WNT3: variants seen among roughly 807,000 people sequenced by gnomAD.
The protein encoded by WNT3 is proto-oncogene Wnt-3.
In WNT3, 7 loss-of-function variants were observed where a neutral mutation model predicts 34.2. That is an observed-to-expected ratio of 0.20 (90% CI 0.12 to 0.38). The LOEUF (loss-of-function observed/expected upper bound fraction) is 0.38. WNT3 is among the 10% of genes least tolerant of loss of function. The pLI is 1.00. For synonymous variants in WNT3, 212 were observed against 211.5 expected, an observed-to-expected ratio of 1.00 and a Z score of -0.02; for missense variants, 267 against 499.8, an observed-to-expected ratio of 0.53 and a Z score of 4.44.
At chr17:46,771,979 C>T (rs912322399) in intron 2 of WNT3, among the ~76,000 whole-genome samples, 1 of 150,438 alleles carries the variant, frequency 6.6e-6, no homozygotes, top group Non-Finnish European at 1.5e-5. Flanking sequence ...CCCGCCGCCC[C>T]CAGACTCGCG....
intron 1 of WNT3, among the ~76,000 whole-genome samples, chr17:46,811,439 C>A (rs2084274414): frequency 6.6e-6 from 1 of 152,178 alleles, no homozygotes; most frequent in South Asian, 2.1e-4. Flanking sequence ...TGCCTGCTGG[C>A]AGAACCGTTG....
intron 1 of WNT3, among the ~76,000 whole-genome samples, chr17:46,817,911 A>G (rs2084373672): frequency 6.6e-6 from 1 of 152,112 alleles, no homozygotes; most frequent in African/African-American, 2.4e-5. Context: ...CGGATCAGCA[A>G]ATACCATATT....
intron 1 of WNT3, among the ~76,000 whole-genome samples, chr17:46,804,651 G>A (rs2084169398): frequency 2.0e-5 from 3 of 152,250 alleles, no homozygotes; most frequent in South Asian, 4.1e-4. Context: ...GTGAGTAGAG[G>A]ATGGGTCACC....
rs147084620 is a variant in WNT3 at position 46,805,196 on chromosome 17, A to G, written c.80+13322T>C. On this transcript the variant is annotated intron_variant, in intron 1 of 4. Transcript: ENST00000225512. Reference sequence around the variant, plus strand: ...ACTGGAACCCTACCCCTGGAATCCCAGCACTTTGAGAGGCTGAGGCAGGAG... The same window carrying G: ...ACTGGAACCCTACCCCTGGAATCCCGGCACTTTGAGAGGCTGAGGCAGGAG... 7.6e-3 allele frequency among the ~76,000 whole-genome samples: 1,154 copies of G among 152,150 alleles called. 15 individuals are homozygous for G. The highest frequency in any genetic ancestry group is 0.026 in the African/African-American group (1,094 of 41,482).
At chr17:46,788,608 A>T (rs548567013) in intron 1 of WNT3, among the ~76,000 whole-genome samples, 1 of 152,224 alleles carries the variant, frequency 6.6e-6, no homozygotes, top group Non-Finnish European at 1.5e-5. Flanking sequence ...TACATCCGTC[A>T]CAGGTAACCT....
At chr17:46,767,120 C>T (rs1346302115) in intron 4 of WNT3, among the ~76,000 whole-genome samples, 1 of 152,146 alleles carries the variant, frequency 6.6e-6, no homozygotes, top group South Asian at 2.1e-4. Context: ...AAACCTTCCA[C>T]CCCGGGGGTC....
intron 1 of WNT3, among the ~76,000 whole-genome samples, chr17:46,811,279 AGTGTT>A: frequency 6.6e-6 from 1 of 151,986 alleles, no homozygotes; most frequent in African/African-American, 2.4e-5. Context: ...TGCATGGGTC[AGTGTT>A]AATATGGGAA....
chr17:46,805,234 C>T (rs1420357951), intron 1 of WNT3, among the ~76,000 whole-genome samples: 1 of 151,786 alleles, frequency 6.6e-6, no homozygotes, highest in Non-Finnish European at 1.5e-5. Context: ...TTGTTTGAGT[C>T]CAGTTCAAGC....
At chr17:46,766,203 G>A (rs1398873150) in intron 4 of WNT3, among the ~76,000 whole-genome samples, 1 of 152,188 alleles carries the variant, frequency 6.6e-6, no homozygotes, top group Non-Finnish European at 1.5e-5. Context: ...GAGGTCAGGA[G>A]TTCAAGACCA....
intron 1 of WNT3, among the ~76,000 whole-genome samples, chr17:46,793,194 A>G (rs1490945698): frequency 7.1e-6 from 1 of 141,344 alleles, no homozygotes; most frequent in African/African-American, 2.6e-5. Flanking sequence ...GGATTGCTTG[A>G]GCCCAGGAGG....
At chr17:46,765,281 T>A (rs2059302675) in intron 4 of WNT3, among the ~76,000 whole-genome samples, 1 of 152,140 alleles carries the variant, frequency 6.6e-6, no homozygotes, top group African/African-American at 2.4e-5. Flanking sequence ...CAGTAACAGA[T>A]CCAGGACTTG....
At chr17:46,818,395 G>C in intron 1 of WNT3, 123 bp downstream of exon 1, 2 of 953,550 alleles carry the variant, frequency 2.1e-6, no homozygotes. Flanking sequence ...GGCGGGTGGG[G>C]GGCTGGAGGG....
intron 4 of WNT3, among the ~76,000 whole-genome samples, chr17:46,767,124 G>C (rs1199375470): frequency 6.6e-6 from 1 of 152,174 alleles, no homozygotes; most frequent in South Asian, 2.1e-4. Flanking sequence ...CTTCCACCCC[G>C]GGGGTCCAGG....
rs2059334576 is a variant in WNT3 at position 46,768,457 on chromosome 17, C to T, written c.931G>A (p.Asp311Asn). Residue 311 changes from aspartate to asparagine, a missense_variant, in exon 4 of 5, where the codon GAT becomes AAT. By Grantham distance (23) the Asp-to-Asn change is conservative. This residue lies in a region of WNT3 where 60 missense variants were observed against 82.7 expected (regional missense o/e 0.73). Coordinates refer to ENST00000225512, the MANE Select transcript of WNT3 (RefSeq NM_030753.5). This position sits in a 1 kb window ranked among gnomAD's most constrained non-coding sequence, Gnocchi z 5.0. ...TGGCCCCGGCCACAGCAGAGCAGAT[C>T]GCAGCCATCGATGCCGTGGGAGGTG... ...NVTSHGIDGCDLLCCGRGHNT... is the reference protein window; with the variant it reads ...NVTSHGIDGCNLLCCGRGHNT... The T allele has an allele frequency of 1.2e-6, 2 of 1,614,026 alleles. No homozygotes were observed. The highest frequency in any genetic ancestry group is 1.3e-5 in the African/African-American group (1 of 74,930).
At chr17:46,794,843 CA>C (rs1406493963) in intron 1 of WNT3, among the ~76,000 whole-genome samples, 5 of 151,146 alleles carry the variant, frequency 3.3e-5, no homozygotes, top group Non-Finnish European at 5.9e-5. Context: ...CTGCACCTCC[CA>C]GGTTCAAGTG....
rs2059279403 is a variant in WNT3, at chr17:46,762,665, T to C, written c.*1965A>G. 6.6e-6 allele frequency: 1 copy of C among 151,776 alleles called. No homozygotes were observed. Among genetic ancestry groups the C allele is most frequent in the Non-Finnish European group, 1.5e-5 (1 of 67,986 alleles). 9.4% of individuals were successfully genotyped at this position (151,776 alleles called of 1,614,324 possible). A position where few individuals can be genotyped will look rare whatever the true frequency, so the allele number is the denominator to read the frequency against. ...AAATAATATTTATAAAAAGAGACTT[T>C]TTGAATATAAAATCAAAAAGATCAA... On this transcript the variant is annotated 3_prime_UTR_variant, in exon 5 of 5. Coordinates refer to ENST00000225512, the MANE Select transcript of WNT3 (RefSeq NM_030753.5).
At chr17:46,816,521 C>T (rs1238730370) in intron 1 of WNT3, among the ~76,000 whole-genome samples, 1 of 150,664 alleles carries the variant, frequency 6.6e-6, no homozygotes, top group Non-Finnish European at 1.5e-5. Flanking sequence ...ACACACCTCT[C>T]TCCTTGGCTT....
At chr17:46,802,694 C>A (rs915544386) in intron 1 of WNT3, among the ~76,000 whole-genome samples, 3 of 152,086 alleles carry the variant, frequency 2.0e-5, no homozygotes, top group African/African-American at 7.2e-5. Flanking sequence ...GGAATGAAGC[C>A]CCCATACAAG....
chr17:46,773,096 C>T (rs1200297747), intron 2 of WNT3, among the ~76,000 whole-genome samples: 1 of 152,132 alleles, frequency 6.6e-6, no homozygotes, highest in Non-Finnish European at 1.5e-5. Context: ...ACTTGAGGCA[C>T]AGCCAGTTAG....
Sources: gnomAD v4.1 joint callset for allele counts (sites outside exome capture counted in the v4.1 genomes callset) on GRCh38, gnomAD v4.1.1 for gene constraint, gnomAD v4.1.1 regional missense constraint, Gnocchi (gnomAD v3.1) non-coding constraint, MANE v1.5 for transcripts, NCBI Gene and HGNC (gene_info 2026-07-23, HGNC 2026-07-21) for gene names.